The following UNC5C variants were observed in gnomAD, a reference collection of about 807,000 sequenced individuals.
UNC5C encodes netrin receptor UNC5C.
UNC5C carries 47 observed loss-of-function variants against 99.8 expected under a neutral mutation model. The observed-to-expected ratio is 0.47, with a 90% confidence interval of 0.37 to 0.60. The LOEUF is 0.60. UNC5C is among the 20% of genes least tolerant of loss of function. UNC5C has a pLI of 0.00. For missense variants in UNC5C, 1,062 were observed against 1,165.9 expected (o/e 0.91, Z 1.30); for synonymous variants, 487 against 452.2 (o/e 1.08, Z -0.98).
intron 14 of UNC5C, among the ~76,000 whole-genome samples, chr4:95,180,708 C>T (rs546311048): frequency 2.0e-3 from 308 of 152,210 alleles, no homozygotes; most frequent in Non-Finnish European, 3.4e-3. Flanking sequence ...TTATAAATGA[C>T]GACTGGTGAG....
At chr4:95,325,049 G>A (rs892295364) in intron 2 of UNC5C, among the ~76,000 whole-genome samples, 14 of 152,142 alleles carry the variant, frequency 9.2e-5, no homozygotes, top group African/African-American at 3.4e-4. Flanking sequence ...GAACTTATAA[G>A]ACACTGGTGG....
In UNC5C at chr4:95,174,454, G is replaced by A. The variant is rs535125186; in HGVS notation, c.2452-4122C>T. On this transcript the variant is annotated intron_variant, in intron 14 of 15. Transcript: ENST00000453304. ...TCTGGTATGTTGTGTCTTTGTTCTC[G>A]TTGGTTTCAAAGAACATCTTTATTT... 5.3e-4 allele frequency among the ~76,000 whole-genome samples: 81 copies of A among 152,104 alleles called. 1 individual carries two copies. The highest frequency in any genetic ancestry group is 2.3e-3 in the East Asian group (12 of 5,182).
chr4:95,438,682 T>C (rs1746860201), intron 1 of UNC5C, among the ~76,000 whole-genome samples: 1 of 152,136 alleles, frequency 6.6e-6, no homozygotes, highest in Non-Finnish European at 1.5e-5. Context: ...TGGAACATAG[T>C]TCCTGCAGAT....
intron 4 of UNC5C, among the ~76,000 whole-genome samples, chr4:95,272,175 T>G (rs1740688468): frequency 6.6e-6 from 1 of 152,260 alleles, no homozygotes; most frequent in Non-Finnish European, 1.5e-5. Flanking sequence ...CTCACTCATT[T>G]TTCTTACATT....
At chr4:95,473,547 TTACAA>T (rs71884192) in intron 1 of UNC5C, among the ~76,000 whole-genome samples, 5,609 of 152,244 alleles carry the variant, frequency 0.037, 211 homozygotes, top group Admixed American at 0.11. Flanking sequence ...GATCTGTCCT[TTACAA>T]TGGTTAAATT....
intron 12 of UNC5C, among the ~76,000 whole-genome samples, chr4:95,198,177 C>T (rs1429057022): frequency 6.6e-6 from 1 of 151,850 alleles, no homozygotes; most frequent in Non-Finnish European, 1.5e-5. Flanking sequence ...TCAGTAGAGA[C>T]GGGGTTTCAC....
At chr4:95,316,409 G>T (rs1241641954) in intron 2 of UNC5C, among the ~76,000 whole-genome samples, 2 of 152,032 alleles carry the variant, frequency 1.3e-5, no homozygotes, top group Non-Finnish European at 2.9e-5. Flanking sequence ...AAAACCGTGG[G>T]GCTCTCAGGA....
At chr4:95,433,760 C>T (rs1303475258) in intron 1 of UNC5C, among the ~76,000 whole-genome samples, 2 of 151,996 alleles carry the variant, frequency 1.3e-5, no homozygotes, top group East Asian at 3.9e-4. Flanking sequence ...TGCATCCAAA[C>T]TCATCTCAGT....
intron 10 of UNC5C, among the ~76,000 whole-genome samples, chr4:95,207,667 G>A (rs1417486712): frequency 1.3e-5 from 2 of 152,128 alleles, no homozygotes; most frequent in African/African-American, 4.8e-5. Context: ...AATCAGAAGA[G>A]CATAGCTTTT....
In UNC5C at chr4:95,185,043, T is replaced by C. The variant is rs756809052; in HGVS notation, c.2286+4A>G. 1.2e-6 allele frequency: 2 copies of C among 1,609,684 alleles called. No homozygotes were observed. Among genetic ancestry groups the C allele is most frequent in the East Asian group, 4.5e-5 (2 of 44,836 alleles). On this transcript the variant is annotated splice_donor_region_variant and intron_variant, in intron 13 of 15. Coordinates refer to ENST00000453304, the MANE Select transcript of UNC5C (RefSeq NM_003728.4). The stretch of plus-strand genomic sequence containing the variant: ...AGACCTTTTGTTCGGCTTGGGAACC[T>C]TACCTGATATTTAGCCAGCAATTTG...
chr4:95,450,885 A>C (rs1399350019), intron 1 of UNC5C, among the ~76,000 whole-genome samples: 2 of 152,340 alleles, frequency 1.3e-5, no homozygotes, highest in African/African-American at 4.8e-5. Context: ...GCGAATGAAG[A>C]CCAGGACAAT....
chr4:95,312,377 T>C (rs1303486881), intron 2 of UNC5C, among the ~76,000 whole-genome samples: 1 of 152,176 alleles, frequency 6.6e-6, no homozygotes, highest in Non-Finnish European at 1.5e-5. Context: ...GTTAAATAAG[T>C]GAATGATCTG....
At position 95,162,880 on chromosome 4, in the gene UNC5C, TTC is replaced by T. The variant is rs1735729111; in HGVS notation, c.*6352_*6353del. 1 of 152,224 alleles carries T rather than the reference TTC, an allele frequency of 6.6e-6. No individual in the cohort carries two copies. Among genetic ancestry groups the T allele is most frequent in the African/African-American group, 2.4e-5 (1 of 41,454 alleles). The allele number at this position is 152,224 out of a possible 1,614,324, so 9.4% of individuals were successfully genotyped here. A position where few individuals can be genotyped will look rare whatever the true frequency, so the allele number is the denominator to read the frequency against. On this transcript the variant is annotated 3_prime_UTR_variant, in exon 16 of 16. Transcript: ENST00000453304. ...AAAGCACAAAACCTCAATCCGACCT[TTC>T]TGCAGTTGAACTGTTCCAAAGGGGA...
intron 1 of UNC5C, among the ~76,000 whole-genome samples, chr4:95,465,954 T>C (rs1212381626): frequency 1.3e-5 from 2 of 152,182 alleles, no homozygotes; most frequent in Non-Finnish European, 2.9e-5. Flanking sequence ...TATCTTACCC[T>C]ATGCTTTCCA....
chr4:95,168,256 G>A lies in UNC5C; in HGVS notation c.*978C>T, dbSNP rs1287481371. On this transcript the variant is annotated 3_prime_UTR_variant, in exon 16 of 16. Coordinates refer to ENST00000453304, the MANE Select transcript of UNC5C (RefSeq NM_003728.4). Reference sequence around the variant, plus strand: ...AATCACCTTTCTGGGGTGGAATAAGGGAAAGGTAAAAGGTCAAGGAAGTGA... The same window carrying A: ...AATCACCTTTCTGGGGTGGAATAAGAGAAAGGTAAAAGGTCAAGGAAGTGA... The A allele has an allele frequency of 1.3e-5, 2 of 152,130 alleles. No individual in the cohort carries two copies. Among genetic ancestry groups the A allele is most frequent in the Non-Finnish European group, 2.9e-5 (2 of 68,028 alleles). 9.4% of individuals were successfully genotyped at this position (152,130 alleles called of 1,614,324 possible). A position where few individuals can be genotyped will look rare whatever the true frequency, so the allele number is the denominator to read the frequency against.
intron 1 of UNC5C, among the ~76,000 whole-genome samples, chr4:95,501,157 G>A (rs1174870140): frequency 6.6e-6 from 1 of 152,044 alleles, no homozygotes; most frequent in Admixed American, 6.6e-5. Flanking sequence ...TTCTTGGAAG[G>A]TGCTTTATAG....
chr4:95,369,704 G>A (rs369294351), intron 1 of UNC5C, among the ~76,000 whole-genome samples: 5 of 151,986 alleles, frequency 3.3e-5, no homozygotes, highest in Non-Finnish European at 5.9e-5. Context: ...CATTGATACC[G>A]TTATCAATGG....
intron 2 of UNC5C, among the ~76,000 whole-genome samples, chr4:95,332,192 A>C (rs1193482234): frequency 1.3e-5 from 2 of 152,248 alleles, no homozygotes; most frequent in Middle Eastern, 3.4e-3. Flanking sequence ...GCTACCAATG[A>C]CTTTCTTCAC....
At chr4:95,180,220 C>T (rs1328846833) in intron 14 of UNC5C, among the ~76,000 whole-genome samples, 4 of 152,164 alleles carry the variant, frequency 2.6e-5, no homozygotes, top group African/African-American at 9.7e-5. Flanking sequence ...GAAACTGAGG[C>T]AAGAAAGGAT....
Sources: gnomAD v4.1 joint callset for allele counts (sites outside exome capture counted in the v4.1 genomes callset) on GRCh38, gnomAD v4.1.1 for gene constraint, MANE v1.5 for transcripts, NCBI Gene and HGNC (gene_info 2026-07-23, HGNC 2026-07-21) for gene names.